MAP3K4: variants seen among roughly 807,000 people sequenced by gnomAD.
MAP3K4 encodes the protein MAP three kinase 1.
In MAP3K4, 67 loss-of-function variants were observed where a neutral mutation model predicts 185.6. The observed-to-expected ratio is 0.36, with a 90% CI of 0.30 to 0.44. The LOEUF is 0.44. Ranked by LOEUF, MAP3K4 falls within the 20% of genes least tolerant of loss-of-function variation. The probability of loss-of-function intolerance (pLI) is 1.00; values close to 1 mark genes in which losing one functional copy is unlikely to be tolerated. For synonymous variants in MAP3K4, 702 were observed against 710.4 expected (o/e 0.99, Z 0.19); for missense variants, 1,551 against 1,995.1 (o/e 0.78, Z 4.24).
chr6:161,062,626 C>G (rs112191663), intron 3 of MAP3K4, among the ~76,000 whole-genome samples: 3 of 152,260 alleles, frequency 2.0e-5, no homozygotes, highest in African/African-American at 7.2e-5. Context: ...TTTGGCTGTC[C>G]ATAAAATCTT....
intron 1 of MAP3K4, among the ~76,000 whole-genome samples, chr6:161,026,582 G>A (rs1782673133): frequency 6.6e-6 from 1 of 152,072 alleles, no homozygotes; most frequent in Non-Finnish European, 1.5e-5. Flanking sequence ...AAAAAATAAA[G>A]CACCCCTGCA....
chr6:160,999,827 A>G (rs1324256483), intron 1 of MAP3K4, among the ~76,000 whole-genome samples: 2 of 152,252 alleles, frequency 1.3e-5, no homozygotes, highest in African/African-American at 2.4e-5. Context: ...ATTGGACTCA[A>G]CAGGATCAAA....
rs993737305 is a variant in MAP3K4 at position 161,048,045 on chromosome 6, A to G, written c.344-571A>G. Among the ~76,000 whole-genome samples, 1 of 152,238 alleles carries G rather than the reference A, an allele frequency of 6.6e-6. No homozygotes were observed. Among genetic ancestry groups the G allele is most frequent in the Non-Finnish European group, 1.5e-5 (1 of 68,028 alleles). On this transcript the variant is annotated intron_variant, in intron 2 of 26. Transcript: ENST00000392142. This position sits in a 1 kb window ranked among gnomAD's most constrained non-coding sequence, Gnocchi z 4.7. ...CAAAGGAGAAATAAAGGAATAGAAT[A>G]AACTAACGTCAGTGTTTTTGTCTGT...
At chr6:161,002,105 T>C (rs1459805266) in intron 1 of MAP3K4, among the ~76,000 whole-genome samples, 1 of 151,266 alleles carries the variant, frequency 6.6e-6, no homozygotes, top group African/African-American at 2.4e-5. Context: ...TCTCTTACTT[T>C]AGTTGTGGTT....
chr6:161,115,576 C>T lies in MAP3K4; in HGVS notation c.4806+274C>T, dbSNP rs1778557401. 6.6e-6 allele frequency among the ~76,000 whole-genome samples: 1 copy of T among 152,124 alleles called. No homozygotes were observed. Among genetic ancestry groups the T allele is most frequent in the African/African-American group, 2.4e-5 (1 of 41,414 alleles). On this transcript the variant is annotated intron_variant, in intron 26 of 26. Transcript: ENST00000392142. This position sits in a 1 kb window ranked among gnomAD's most constrained non-coding sequence, Gnocchi z 6.0. ...ATGGGACTGGATGAAAGAGTTTCCA[C>T]TCTTGAGAGTGTATAGTCTACTTGG...
At chr6:160,992,208 T>G in intron 1 of MAP3K4, 125 bp downstream of exon 1, 1 of 1,326,642 alleles carries the variant, frequency 7.5e-7, no homozygotes, top group East Asian at 3.0e-5. Flanking sequence ...CTCTGCAGGC[T>G]GGGGCGGGAG....
intron 6 of MAP3K4, among the ~76,000 whole-genome samples, chr6:161,083,645 C>T (rs1377837997): frequency 6.6e-6 from 1 of 152,216 alleles, no homozygotes; most frequent in Non-Finnish European, 1.5e-5. Context: ...TGCTTGACTA[C>T]ATCTTCATGC....
chr6:161,078,553 C>T (rs947008962), intron 5 of MAP3K4, among the ~76,000 whole-genome samples: 1 of 152,128 alleles, frequency 6.6e-6, no homozygotes, highest in South Asian at 2.1e-4. Context: ...GAACAAATCT[C>T]CTGGAAGGAG....
chr6:161,030,241 C>G (rs1391345300), intron 1 of MAP3K4, among the ~76,000 whole-genome samples: 10 of 151,946 alleles, frequency 6.6e-5, no homozygotes, highest in African/African-American at 2.2e-4. Context: ...ATCTTTTTCT[C>G]TCTGATTCAT....
Position 160,992,247 on chromosome 6 carries a change from G to C in MAP3K4, c.152+164G>C, listed in dbSNP as rs543275467. 3.4e-4 allele frequency: 333 copies of C among 968,864 alleles called. 4 individuals carry two copies. The East Asian group carries it at 0.01, about 29-fold the overall frequency. 60.0% of individuals were successfully genotyped at this position (968,864 alleles called of 1,614,324 possible). A position where few individuals can be genotyped will look rare whatever the true frequency, so the allele number is the denominator to read the frequency against. ...CGCGGTGCATCCCTGGGTCCCAGGG[G>C]ACCGCGTCTGAGTCTGTCCGGCGAC... On this transcript the variant is annotated intron_variant, in intron 1 of 26. Coordinates refer to ENST00000392142, the MANE Select transcript of MAP3K4 (RefSeq NM_005922.4).
At chr6:161,094,890 G>GAT (rs1423772701) in intron 15 of MAP3K4, among the ~76,000 whole-genome samples, 1 of 152,112 alleles carries the variant, frequency 6.6e-6, no homozygotes, top group African/African-American at 2.4e-5. Flanking sequence ...ACACATGATC[G>GAT]ATAATTCAGT....
chr6:161,036,766 A>G (rs1486493205), intron 2 of MAP3K4, among the ~76,000 whole-genome samples: 1 of 152,168 alleles, frequency 6.6e-6, no homozygotes, highest in Non-Finnish European at 1.5e-5. Flanking sequence ...ATATAATACA[A>G]ATTTTGAGTA....
rs747229805 is a variant in MAP3K4 at position 161,093,023 on chromosome 6, C to G, written c.3315C>G (p.Ala1105=). The change falls in exon 14 of 27, where the codon GCC becomes GCG. Residue 1105 remains alanine, a synonymous_variant. Transcript: ENST00000392142. The surrounding 1 kb of genome is among the most constrained non-coding windows in gnomAD (Gnocchi z 5.2). The stretch of plus-strand genomic sequence containing the variant: ...ATTTTCTACAAGCAATTGAACCTGC[C>G]TTTATTTCAGCTTTACCAGAAGATG... ...GFDFLQAIEP[A]FISALPEDDF... is the part of the protein sequence containing the mutation. The G allele has an allele frequency of 6.2e-7, 1 of 1,613,574 alleles. No individual in the cohort carries two copies. Among genetic ancestry groups the G allele is most frequent in the South Asian group, 1.1e-5 (1 of 91,032 alleles).
rs568413611 is a variant in MAP3K4, at chr6:161,097,956, C to T, written c.3525-322C>T. On this transcript the variant is annotated intron_variant, in intron 16 of 26. Transcript: ENST00000392142. This position sits in a 1 kb window ranked among gnomAD's most constrained non-coding sequence, Gnocchi z 4.9. Reference sequence around the variant, plus strand: ...AAAGATAATAGCTGGGTATGGTGGCCGTGCCTGTAGTCCCAGCTACTCAGG... The same window carrying T: ...AAAGATAATAGCTGGGTATGGTGGCTGTGCCTGTAGTCCCAGCTACTCAGG... Among the ~76,000 whole-genome samples the T allele has an allele frequency of 2.0e-5, 3 of 151,626 alleles. No homozygotes were observed. Among genetic ancestry groups the T allele is most frequent in the African/African-American group, 4.8e-5 (2 of 41,328 alleles).
chr6:161,006,700 C>T (rs1781598191), intron 1 of MAP3K4, among the ~76,000 whole-genome samples: 1 of 152,136 alleles, frequency 6.6e-6, no homozygotes, highest in South Asian at 2.1e-4. Context: ...AAGGTAGGAA[C>T]ATATACAGAA....
Position 161,023,906 on chromosome 6 carries a change from A to G in MAP3K4, c.153-10353A>G, listed in dbSNP as rs143257196. Among the ~76,000 whole-genome samples the G allele has an allele frequency of 4.8e-3, 729 of 152,308 alleles. 9 individuals are homozygous for G. Among genetic ancestry groups the G allele is most frequent in the African/African-American group, 0.017 (692 of 41,558 alleles). On this transcript the variant is annotated intron_variant, in intron 1 of 26. Transcript: ENST00000392142. ...TATTAAGCAGTCATGAAACTATTCA[A>G]TGTAATATAATTAAGTCTTAAATAA...
chr6:161,092,296 TAG>T (rs1269341745), intron 13 of MAP3K4, among the ~76,000 whole-genome samples, 153 bp downstream of exon 13: 2 of 152,174 alleles, frequency 1.3e-5, no homozygotes, highest in Admixed American at 1.3e-4. Flanking sequence ...GAAAAATATG[TAG>T]AGAAAACTGC....
At position 161,016,171 on chromosome 6, in the gene MAP3K4, T is replaced by A. The variant is rs1782098633; in HGVS notation, c.153-18088T>A. Among the ~76,000 whole-genome samples the A allele has an allele frequency of 2.0e-5, 3 of 152,340 alleles. No homozygotes were observed. In the South Asian group the frequency reaches 6.2e-4, roughly 32 times the overall value. The stretch of plus-strand genomic sequence containing the variant: ...CAGGTGCTCATTGACCATTTGTATA[T>A]CTTTTTTGGAAGATTGTTTCACTAT... On this transcript the variant is annotated intron_variant, in intron 1 of 26. Transcript: ENST00000392142.
rs781591582 is a variant in MAP3K4, at chr6:161,109,929, G to T, written c.4396+15G>T. 17 of 1,612,240 alleles carry T rather than the reference G, an allele frequency of 1.1e-5. No individual in the cohort carries two copies. The highest frequency in any genetic ancestry group is 1.8e-4 in the Middle Eastern group (1 of 5,458). On this transcript the variant is annotated intron_variant, in intron 23 of 26. Coordinates refer to ENST00000392142, the MANE Select transcript of MAP3K4 (RefSeq NM_005922.4). The surrounding 1 kb of genome is among the most constrained non-coding windows in gnomAD (Gnocchi z 5.7). ...TGACATTAAAGGTAATCCCACACCC[G>T]CCTGGCTGCTGTGGGCCAGAGCCAC...
Sources: allele counts gnomAD v4.1 joint callset (sites outside exome capture counted in the v4.1 genomes callset), GRCh38; gene constraint gnomAD v4.1.1; non-coding constraint Gnocchi (gnomAD v3.1); transcripts MANE v1.5; gene names NCBI Gene and HGNC (gene_info 2026-07-23, HGNC 2026-07-21).